ABHD2: variants seen among roughly 807,000 people sequenced by gnomAD.
The protein encoded by ABHD2 is monoacylglycerol lipase ABHD2.
ABHD2 carries 20 observed loss-of-function variants against 48.1 expected under a neutral mutation model. The ratio of observed to expected loss-of-function variants is 0.42; its 90% CI spans 0.29 to 0.60. The LOEUF is 0.60. Ranked by LOEUF, ABHD2 falls within the 20% of genes least tolerant of loss-of-function variation. The probability of loss-of-function intolerance (pLI) is 0.24; values close to 1 mark genes in which losing one functional copy is unlikely to be tolerated. For missense variants in ABHD2, 405 were observed against 550.9 expected, an observed-to-expected ratio of 0.74 and a Z score of 2.65; for synonymous variants, 209 against 214.2, an observed-to-expected ratio of 0.98 and a Z score of 0.21.
Position 89,175,145 on chromosome 15 carries a change from T to G in ABHD2, c.539-667T>G, listed in dbSNP as rs1455068268. 6.6e-6 allele frequency among the ~76,000 whole-genome samples: 1 copy of G among 152,240 alleles called. No homozygotes were observed. The highest frequency in any genetic ancestry group is 1.5e-5 in the Non-Finnish European group (1 of 68,040). On this transcript the variant is annotated intron_variant, in intron 5 of 10. Coordinates refer to ENST00000352732, the MANE Select transcript of ABHD2 (RefSeq NM_152924.5). The surrounding 1 kb of genome is among the most constrained non-coding windows in gnomAD (Gnocchi z 5.7). Reference sequence around the variant, plus strand: ...CTTTTCTTAACACCATGAATCATCATACACATGGGTATAGCATCCCAATTT... The same window carrying G: ...CTTTTCTTAACACCATGAATCATCAGACACATGGGTATAGCATCCCAATTT...
At chr15:89,135,438 CAA>C (rs2050292296) in intron 3 of ABHD2, 1 of 644,818 alleles carries the variant, frequency 1.6e-6, no homozygotes, top group Non-Finnish European at 2.7e-6. Flanking sequence ...AGTTTAAAAA[CAA>C]ATCTTACACA....
chr15:89,181,502 C>T lies in ABHD2; in HGVS notation c.723-3922C>T, dbSNP rs569339016. On this transcript the variant is annotated intron_variant, in intron 6 of 10. Coordinates refer to ENST00000352732, the MANE Select transcript of ABHD2 (RefSeq NM_152924.5). ...AATTCATCTCCAATCTTAATTCATA[C>T]TGCCCTTGCCTTTTTTCCCTTTTTG... 2.0e-5 allele frequency among the ~76,000 whole-genome samples: 3 copies of T among 152,288 alleles called. No homozygotes were observed. In the East Asian group the frequency reaches 5.8e-4, roughly 29 times the overall value.
At chr15:89,180,495 C>T (rs1196329847) in intron 6 of ABHD2, among the ~76,000 whole-genome samples, 1 of 152,226 alleles carries the variant, frequency 6.6e-6, no homozygotes, top group Non-Finnish European at 1.5e-5. Context: ...GGCCCACTCC[C>T]TTGTGTGGTA....
chr15:89,103,523 G>T (rs1567067773), intron 1 of ABHD2, among the ~76,000 whole-genome samples: 1 of 152,098 alleles, frequency 6.6e-6, no homozygotes, highest in South Asian at 2.1e-4. Context: ...CAAAACCTTC[G>T]CCCCTGTGTC....
intron 3 of ABHD2, among the ~76,000 whole-genome samples, chr15:89,149,609 AC>A (rs2050558591): frequency 6.6e-6 from 1 of 152,182 alleles, no homozygotes; most frequent in East Asian, 1.9e-4. Context: ...CCCCCCAGCA[AC>A]CTGACTGGAA....
the ABHD2 span, among the ~76,000 whole-genome samples, chr15:89,065,073 G>T: frequency 5.3e-5 from 8 of 152,050 alleles, no homozygotes; most frequent in Non-Finnish European, 8.8e-5. Flanking sequence ...TAAGTCTACT[G>T]GATAAAAGAA....
intron 1 of ABHD2, among the ~76,000 whole-genome samples, chr15:89,111,102 A>G (rs1036213342): frequency 1.3e-5 from 2 of 152,228 alleles, no homozygotes; most frequent in African/African-American, 4.8e-5. Context: ...GCATAATCAC[A>G]TGCATTAAAG....
chr15:89,070,274 T>C, the ABHD2 span: 1 of 152,210 alleles, frequency 6.6e-6, no homozygotes, highest in Non-Finnish European at 1.5e-5. Context: ...CCAAAGCAAG[T>C]CACATGGCTA....
the ABHD2 span, among the ~76,000 whole-genome samples, chr15:89,056,757 G>A: frequency 1.3e-5 from 2 of 152,138 alleles, no homozygotes; most frequent in African/African-American, 4.8e-5. Flanking sequence ...CCTTGAGTGA[G>A]TCATTCACCT....
the ABHD2 span, chr15:89,041,246 C>A: frequency 6.6e-6 from 1 of 152,222 alleles, no homozygotes; most frequent in Non-Finnish European, 1.5e-5. Context: ...CCATGTGGAA[C>A]AGAGATGAAC....
chr15:89,095,248 C>G (rs888911255), intron 1 of ABHD2, among the ~76,000 whole-genome samples: 2 of 152,108 alleles, frequency 1.3e-5, no homozygotes, highest in African/African-American at 4.8e-5. Flanking sequence ...AGAGGTTCCT[C>G]TTTTGCAGTT....
the ABHD2 span, among the ~76,000 whole-genome samples, chr15:89,068,319 T>C: frequency 6.6e-6 from 1 of 152,198 alleles, no homozygotes; most frequent in African/African-American, 2.4e-5. Flanking sequence ...CATTTTATTT[T>C]GCATACAGAG....
the ABHD2 span, among the ~76,000 whole-genome samples, chr15:89,073,994 G>C: frequency 2.6e-5 from 4 of 152,200 alleles, no homozygotes; most frequent in Non-Finnish European, 1.5e-5. Flanking sequence ...AAAGGGCTTT[G>C]GGATTGGCGG....
intron 3 of ABHD2, among the ~76,000 whole-genome samples, chr15:89,131,256 C>G (rs1211669974): frequency 6.6e-6 from 1 of 152,228 alleles, no homozygotes; most frequent in African/African-American, 2.4e-5. Flanking sequence ...CATCAGATCT[C>G]TCCACATTTT....
intron 5 of ABHD2, among the ~76,000 whole-genome samples, chr15:89,171,665 C>T (rs1184975449): frequency 2.0e-5 from 3 of 152,102 alleles, no homozygotes; most frequent in Non-Finnish European, 4.4e-5. Flanking sequence ...CTAAGCAGCG[C>T]CCCCATCTGT....
intron 5 of ABHD2, among the ~76,000 whole-genome samples, chr15:89,157,541 C>T (rs1008285483): frequency 6.6e-6 from 1 of 152,140 alleles, no homozygotes; most frequent in African/African-American, 2.4e-5. Context: ...TGGTCAGTAG[C>T]TTGAAAATAT....
Position 89,135,753 on chromosome 15 carries a change from C to T in ABHD2, c.195-15924C>T. 1.2e-5 allele frequency: 12 copies of T among 981,020 alleles called. 1 individual carries two copies. The South Asian group carries it at 1.5e-4, about 13-fold the overall frequency. The allele number at this position is 981,020 out of a possible 1,614,324, so 60.8% of individuals were successfully genotyped here. A position where few individuals can be genotyped will look rare whatever the true frequency, so the allele number is the denominator to read the frequency against. ...GCCTTCTTTTTATAAGGCTGCCTGT[C>T]ATCTGCAGCAATGTTATTCCACATC... On this transcript the variant is annotated intron_variant, in intron 3 of 10. Transcript: ENST00000352732.
the ABHD2 span, among the ~76,000 whole-genome samples, chr15:89,069,519 T>C: frequency 0.15 from 22,084 of 151,986 alleles, 1,822 homozygotes; most frequent in South Asian, 0.26. Context: ...GTAACCACCC[T>C]TGTGAGTTTT....
At chr15:89,127,507 C>T (rs2050147655) in intron 3 of ABHD2, among the ~76,000 whole-genome samples, 1 of 151,822 alleles carries the variant, frequency 6.6e-6, no homozygotes, top group Non-Finnish European at 1.5e-5. Flanking sequence ...AGCACCAAAT[C>T]CTCCTGCTGG....
Sources: gnomAD v4.1 joint callset for allele counts (sites outside exome capture counted in the v4.1 genomes callset) on GRCh38, gnomAD v4.1.1 for gene constraint, Gnocchi (gnomAD v3.1) non-coding constraint, MANE v1.5 for transcripts, NCBI Gene and HGNC (gene_info 2026-07-23, HGNC 2026-07-21) for gene names.